Variants in CDK13 observed in about 807,000 individuals in gnomAD.
The protein encoded by CDK13 is cyclin-dependent kinase 13.
A neutral mutation model predicts 137.6 loss-of-function variants in CDK13; 40 were observed. The observed-to-expected ratio is 0.29, with a 90% CI of 0.23 to 0.38. The LOEUF (loss-of-function observed/expected upper bound fraction) is 0.38, where lower values mean the gene tolerates loss of function less well. CDK13 is among the 10% of genes least tolerant of loss of function. CDK13 has a pLI of 1.00. For missense variants in CDK13, 1,704 were observed against 1,951.8 expected, an observed-to-expected ratio of 0.87 and a Z score of 2.39; for synonymous variants, 869 against 760.1, an observed-to-expected ratio of 1.14 and a Z score of -2.36.
chr7:39,955,800 G>A (rs2116099538), intron 1 of CDK13, among the ~76,000 whole-genome samples: 1 of 152,112 alleles, frequency 6.6e-6, no homozygotes, highest in Non-Finnish European at 1.5e-5. Flanking sequence ...AGTTATTGGT[G>A]GTGGTTTTCC....
At chr7:40,001,521 CT>C (rs1170088035) in intron 4 of CDK13, among the ~76,000 whole-genome samples, 1 of 152,024 alleles carries the variant, frequency 6.6e-6, no homozygotes, top group Non-Finnish European at 1.5e-5. Context: ...GGCCTAGCAT[CT>C]TTCTGTTTTC....
At chr7:39,988,707 GTCTTT>G (rs1186584022) in intron 2 of CDK13, among the ~76,000 whole-genome samples, 5 of 151,996 alleles carry the variant, frequency 3.3e-5, no homozygotes, top group Admixed American at 2.0e-4. Context: ...TTTTAGTTTA[GTCTTT>G]TCTTAACTCT....
intron 5 of CDK13, among the ~76,000 whole-genome samples, chr7:40,039,293 C>T (rs1381688802): frequency 6.6e-6 from 1 of 151,062 alleles, no homozygotes; most frequent in Non-Finnish European, 1.5e-5. Flanking sequence ...GAGTGTCTTG[C>T]TTTGTTGCCC....
rs1471483019 is a variant in CDK13, at chr7:39,950,704, G to A, written c.63G>A (p.Lys21=). ...GGGGCCTGAGCTGGGCGGAGAAGAA[G>A]TTGGAGGAACGCCGCAAGCGGAGGC... ...GGGGLSWAEK[K]LEERRKRRRF... The change falls in exon 1 of 14, where the codon AAG becomes AAA. Residue 21 remains lysine, a synonymous_variant. Coordinates refer to ENST00000181839, the MANE Select transcript of CDK13 (RefSeq NM_003718.5). 3 of 1,449,652 alleles carry A rather than the reference G, an allele frequency of 2.1e-6. No individual in the cohort carries two copies. The highest frequency in any genetic ancestry group is 3.0e-5 in the African/African-American group (2 of 67,494). 89.8% of individuals were successfully genotyped at this position (1,449,652 alleles called of 1,614,324 possible). A position where few individuals can be genotyped will look rare whatever the true frequency, so the allele number is the denominator to read the frequency against.
At chr7:40,031,961 A>G (rs1785390465) in intron 5 of CDK13, among the ~76,000 whole-genome samples, 1 of 151,954 alleles carries the variant, frequency 6.6e-6, no homozygotes, top group African/African-American at 2.4e-5. Context: ...TGCTAGGATT[A>G]TAGACGTGAG....
intron 10 of CDK13, chr7:40,078,470 A>G (rs1412204752): frequency 7.5e-6 from 2 of 268,328 alleles, no homozygotes; most frequent in Non-Finnish European, 1.4e-5. Flanking sequence ...CAAATTACCG[A>G]TAAGTAACAA....
At chr7:39,973,401 G>A (rs1376147557) in intron 1 of CDK13, among the ~76,000 whole-genome samples, 2 of 152,142 alleles carry the variant, frequency 1.3e-5, no homozygotes, top group Non-Finnish European at 2.9e-5. Flanking sequence ...CTCCCCAAAT[G>A]CTGGGATTAT....
At chr7:40,016,293 T>G (rs1562729929) in intron 5 of CDK13, among the ~76,000 whole-genome samples, 2 of 152,338 alleles carry the variant, frequency 1.3e-5, no homozygotes, top group East Asian at 1.9e-4. Flanking sequence ...GGCAAATTAT[T>G]TATTGTCTCT....
At chr7:39,956,489 C>T (rs1307030783) in intron 1 of CDK13, among the ~76,000 whole-genome samples, 2 of 152,166 alleles carry the variant, frequency 1.3e-5, no homozygotes, top group Admixed American at 1.3e-4. Flanking sequence ...TCGTTTCATC[C>T]ATTCTTCTCA....
intron 1 of CDK13, among the ~76,000 whole-genome samples, chr7:39,968,298 C>T (rs1040313771): frequency 2.3e-4 from 35 of 152,254 alleles, no homozygotes; most frequent in African/African-American, 8.2e-4. Flanking sequence ...ACCACGAAAC[C>T]TTTGCCCAAA....
chr7:40,063,708 A>T (rs1170728813), intron 9 of CDK13, among the ~76,000 whole-genome samples: 1 of 151,570 alleles, frequency 6.6e-6, no homozygotes, highest in African/African-American at 2.4e-5. Context: ...CCTAGGCTGG[A>T]GTGCAGTGGC....
intron 5 of CDK13, among the ~76,000 whole-genome samples, chr7:40,030,268 T>G (rs760474400): frequency 7.3e-5 from 10 of 137,246 alleles, no homozygotes; most frequent in East Asian, 6.9e-4. Context: ...TGTGTATATA[T>G]ATATATAGAG....
intron 5 of CDK13, among the ~76,000 whole-genome samples, chr7:40,017,744 T>C (rs1785031830): frequency 6.6e-6 from 1 of 151,964 alleles, no homozygotes; most frequent in Admixed American, 6.6e-5. Flanking sequence ...TGGCTTTTTT[T>C]TAATTTTGGA....
At position 39,992,131 on chromosome 7, in the gene CDK13, T is replaced by TC. The variant is rs552571308; in HGVS notation, c.1871+3875dup. On this transcript the variant is annotated intron_variant, in intron 2 of 13. Transcript: ENST00000181839. ...CACACACACACACAAGCACACACGC[T>TC]CCATCTCTAGTTGTTTAAGAGAACT... is the stretch of plus-strand genomic sequence containing the variant. Among the ~76,000 whole-genome samples, 1,094 of 149,548 alleles carry TC rather than the reference T, an allele frequency of 7.3e-3. 13 individuals are homozygous for TC. Among genetic ancestry groups the TC allele is most frequent in the African/African-American group, 0.025 (1,015 of 40,906 alleles).
chr7:40,041,994 C>A (rs529997178), intron 5 of CDK13, among the ~76,000 whole-genome samples: 2 of 152,130 alleles, frequency 1.3e-5, no homozygotes, highest in South Asian at 4.2e-4. Flanking sequence ...AAATATTTTT[C>A]GTGTGTTTTT....
At position 40,096,030 on chromosome 7, in the gene CDK13, A is replaced by G. The variant is rs1200462727; in HGVS notation, c.*1050A>G. On this transcript the variant is annotated 3_prime_UTR_variant, in exon 14 of 14. Coordinates refer to ENST00000181839, the MANE Select transcript of CDK13 (RefSeq NM_003718.5). ...GAGTACCATTTTCTTTCAGGCTGCC[A>G]TATTATCCCTGTTTCCATTTGCCAT... 1 of 152,202 alleles carries G rather than the reference A, an allele frequency of 6.6e-6. No individual in the cohort carries two copies. Among genetic ancestry groups the G allele is most frequent in the Non-Finnish European group, 1.5e-5 (1 of 68,030 alleles). 9.4% of individuals were successfully genotyped at this position (152,202 alleles called of 1,614,324 possible).
At chr7:40,080,264 A>G (rs1004421202) in intron 11 of CDK13, among the ~76,000 whole-genome samples, 2 of 152,204 alleles carry the variant, frequency 1.3e-5, no homozygotes, top group Non-Finnish European at 2.9e-5. Flanking sequence ...CTAGGATTAC[A>G]GATTTGAGCC....
intron 12 of CDK13, among the ~76,000 whole-genome samples, chr7:40,090,439 C>T (rs1441456042): frequency 2.6e-5 from 4 of 152,198 alleles, no homozygotes; most frequent in Non-Finnish European, 5.9e-5. Flanking sequence ...CTGCAATCTC[C>T]GCCTCCCAGG....
intron 1 of CDK13, among the ~76,000 whole-genome samples, chr7:39,983,514 A>G (rs1784273741): frequency 6.6e-6 from 1 of 152,198 alleles, no homozygotes; most frequent in South Asian, 2.1e-4. Context: ...AGAAGAATGA[A>G]TTGTGTTGGG....
Sources: gnomAD v4.1 joint callset for allele counts (sites outside exome capture counted in the v4.1 genomes callset) on GRCh38, gnomAD v4.1.1 for gene constraint, MANE v1.5 for transcripts, NCBI Gene and HGNC (gene_info 2026-07-23, HGNC 2026-07-21) for gene names.